Variants in INO80 observed in about 807,000 individuals in gnomAD.
INO80 encodes chromatin-remodeling ATPase INO80.
Under a neutral mutation model 203.4 loss-of-function variants are expected in INO80, and 20 were observed. The ratio of observed to expected loss-of-function variants is 0.10; its 90% CI spans 0.07 to 0.14. The LOEUF is 0.14. Ranked by LOEUF, INO80 falls within the 10% of genes least tolerant of loss-of-function variation. The pLI is 1.00. For synonymous variants in INO80, 726 were observed against 685.2 expected (o/e 1.06, Z -0.93); for missense variants, 1,419 against 1,914.4 (o/e 0.74, Z 4.83).
chr15:41,060,599 A>C (rs572968852), intron 14 of INO80, among the ~76,000 whole-genome samples: 1 of 152,186 alleles, frequency 6.6e-6, no homozygotes, highest in South Asian at 2.1e-4. Context: ...GAGAACAAAA[A>C]TTGTAGTTCA....
chr15:41,041,834 CTT>C lies in INO80; in HGVS notation c.2907+3068_2907+3069del, dbSNP rs35077430. Among the ~76,000 whole-genome samples, 372 of 123,686 alleles carry C rather than the reference CTT, an allele frequency of 3.0e-3. 3 individuals are homozygous for C. The highest frequency in any genetic ancestry group is 0.014 in the South Asian group (54 of 3,810). The allele number at this position is 123,686 out of a possible 152,430, so 81.1% of individuals were successfully genotyped here. Reference sequence around the variant, plus strand: ...TTGCTTGGCTGAAAGGAAAGATTTCCTTTTTTTTTTTTTTTTTTGAGGCAGGG... The same window carrying C: ...TTGCTTGGCTGAAAGGAAAGATTTCCTTTTTTTTTTTTTTTTGAGGCAGGG... On this transcript the variant is annotated intron_variant, in intron 24 of 35. Transcript: ENST00000648947.
At chr15:40,987,663 T>A (rs1325952156) in intron 30 of INO80, among the ~76,000 whole-genome samples, 153 bp downstream of exon 30, 2 of 152,230 alleles carry the variant, frequency 1.3e-5, no homozygotes, top group Non-Finnish European at 2.9e-5. Flanking sequence ...TGCTATTGCA[T>A]GGGACCTGAT....
intron 5 of INO80, among the ~76,000 whole-genome samples, chr15:41,088,739 G>C (rs1319600619): frequency 6.6e-6 from 1 of 152,096 alleles, no homozygotes; most frequent in Non-Finnish European, 1.5e-5. Flanking sequence ...AATTGTCTGA[G>C]GACTGAAATA....
intron 1 of INO80, 112 bp downstream of exon 1, chr15:41,115,861 C>A (rs1366856614): frequency 8.1e-6 from 3 of 372,630 alleles, no homozygotes; most frequent in Non-Finnish European, 1.4e-5. Flanking sequence ...AATCCAAGGG[C>A]CGGGGGCGAC....
rs570947734 is a variant in INO80 at position 41,088,710 on chromosome 15, C to T, written c.538-1028G>A. 3.9e-5 allele frequency among the ~76,000 whole-genome samples: 6 copies of T among 152,264 alleles called. No individual in the cohort carries two copies. The South Asian group carries it at 1.2e-3, about 32-fold the overall frequency. On this transcript the variant is annotated intron_variant, in intron 5 of 35. Coordinates refer to ENST00000648947, the MANE Select transcript of INO80 (RefSeq NM_017553.3). ...AGGTAGCCCACTATTAAATCTCTTT[C>T]CTGGATTATAGCCAAATAAATTGTC...
intron 25 of INO80, among the ~76,000 whole-genome samples, chr15:41,022,179 T>C (rs2044304208): frequency 6.6e-6 from 1 of 152,236 alleles, no homozygotes; most frequent in African/African-American, 2.4e-5. Flanking sequence ...ATACGCAGAA[T>C]TGCTCAGAAG....
intron 14 of INO80, among the ~76,000 whole-genome samples, 166 bp from the exon 15 acceptor site, chr15:41,060,092 T>G (rs925780809): frequency 6.6e-6 from 1 of 152,188 alleles, no homozygotes; most frequent in Non-Finnish European, 1.5e-5. Flanking sequence ...GTTGTCCAAA[T>G]AGAAAGACAC....
intron 15 of INO80, among the ~76,000 whole-genome samples, chr15:41,059,468 T>C (rs971122648): frequency 1.3e-5 from 2 of 149,898 alleles, no homozygotes; most frequent in Non-Finnish European, 3.0e-5. Flanking sequence ...CTATAAAAAA[T>C]ACAAAAATTA....
At chr15:41,099,394 C>G (rs372545170) in intron 1 of INO80, among the ~76,000 whole-genome samples, 1 of 150,998 alleles carries the variant, frequency 6.6e-6, no homozygotes, top group South Asian at 2.1e-4. Context: ...AAAATATATT[C>G]AAAATATACT....
rs565649922 is a variant in INO80, at chr15:41,116,013, G to A, written c.-84C>T. On this transcript the variant is annotated 5_prime_UTR_variant, in exon 1 of 36. Coordinates refer to ENST00000648947, the MANE Select transcript of INO80 (RefSeq NM_017553.3). The stretch of plus-strand genomic sequence containing the variant: ...CCCGCCGCCGCGACGGCGGCGGAGG[G>A]GGGGCGGGGTGCGGGCGGGGTCCGG... 1.3e-5 allele frequency: 5 copies of A among 391,262 alleles called. No homozygotes were observed. Among genetic ancestry groups the A allele is most frequent in the African/African-American group, 2.1e-5 (1 of 48,214 alleles). The allele number at this position is 391,262 out of a possible 1,614,324, so 24.2% of individuals were successfully genotyped here. A position where few individuals can be genotyped will look rare whatever the true frequency, so the allele number is the denominator to read the frequency against.
chr15:40,985,316 C>T lies in INO80; in HGVS notation c.3921+22G>A, dbSNP rs140467831. ...ACCCCAGGCCCCATTAGCCCCTATC[C>T]ACCATTCCAGGCTGGAAATACCTTC... On this transcript the variant is annotated intron_variant, in intron 32 of 35. Coordinates refer to ENST00000648947, the MANE Select transcript of INO80 (RefSeq NM_017553.3). The T allele has an allele frequency of 3.2e-6, 5 of 1,586,880 alleles. No homozygotes were observed. The African/African-American group carries it at 6.7e-5, about 21-fold the overall frequency.
At chr15:41,104,687 G>A (rs1180534679) in intron 1 of INO80, among the ~76,000 whole-genome samples, 1 of 151,828 alleles carries the variant, frequency 6.6e-6, no homozygotes, top group East Asian at 1.9e-4. Context: ...ACAAGCATGA[G>A]CCACCACACC....
rs138632285 is a variant in INO80 at position 40,996,753 on chromosome 15, C to T, written c.3570+776G>A. 8.5e-4 allele frequency among the ~76,000 whole-genome samples: 130 copies of T among 152,340 alleles called. 3 individuals carry two copies. In the East Asian group the frequency reaches 0.024, roughly 28 times the overall value. On this transcript the variant is annotated intron_variant, in intron 29 of 35. Coordinates refer to ENST00000648947, the MANE Select transcript of INO80 (RefSeq NM_017553.3). Reference sequence around the variant, plus strand: ...TTGAAATTACCCTTTTCATTGCTCTCCAACCACCTTTTGAAGTTCAGGATA... The same window carrying T: ...TTGAAATTACCCTTTTCATTGCTCTTCAACCACCTTTTGAAGTTCAGGATA...
At chr15:40,982,037 T>C (rs969796495) in intron 35 of INO80, among the ~76,000 whole-genome samples, 1 of 152,242 alleles carries the variant, frequency 6.6e-6, no homozygotes, top group Non-Finnish European at 1.5e-5. Context: ...CTGCCTTCTT[T>C]TCATTCCCCT....
At chr15:41,107,163 T>G (rs950171656) in intron 1 of INO80, among the ~76,000 whole-genome samples, 2 of 152,246 alleles carry the variant, frequency 1.3e-5, no homozygotes, top group African/African-American at 4.8e-5. Flanking sequence ...TGAAAGGCCT[T>G]GACCTCTAAA....
chr15:41,050,166 T>A, intron 19 of INO80, 64 bp from the exon 20 acceptor site: 1 of 1,182,476 alleles, frequency 8.5e-7, no homozygotes, highest in Non-Finnish European at 1.2e-6. Flanking sequence ...AGCATCAGCT[T>A]AAAGTTGAAA....
At chr15:40,992,787 T>A (rs2043832761) in intron 29 of INO80, among the ~76,000 whole-genome samples, 1 of 151,412 alleles carries the variant, frequency 6.6e-6, no homozygotes, top group South Asian at 2.1e-4. Context: ...ATCAGAGTAT[T>A]CAGAGCCTTT....
chr15:41,016,395 C>G (rs1308465906), intron 26 of INO80, among the ~76,000 whole-genome samples, 180 bp from the exon 27 acceptor site: 2 of 152,192 alleles, frequency 1.3e-5, no homozygotes, highest in African/African-American at 2.4e-5. Flanking sequence ...CAGGAGTGCC[C>G]TGGGAAAAAA....
intron 24 of INO80, among the ~76,000 whole-genome samples, chr15:41,028,048 T>C (rs1440400535): frequency 6.6e-6 from 1 of 152,158 alleles, no homozygotes; most frequent in East Asian, 1.9e-4. Flanking sequence ...TGTATGGGAA[T>C]GTCAGGGGAA....
Sources: gnomAD v4.1 joint callset for allele counts (sites outside exome capture counted in the v4.1 genomes callset) on GRCh38, gnomAD v4.1.1 for gene constraint, MANE v1.5 for transcripts, NCBI Gene and HGNC (gene_info 2026-07-23, HGNC 2026-07-21) for gene names.